The following IGSF21 variants were observed in gnomAD, a reference collection of about 807,000 sequenced individuals.
IGSF21 encodes immunoglobulin superfamily member 21.
Under a neutral mutation model 46.8 loss-of-function variants are expected in IGSF21, and 28 were observed. The observed-to-expected ratio is 0.60, with a 90% CI of 0.44 to 0.82. The LOEUF (loss-of-function observed/expected upper bound fraction) is 0.82. Among genes scored for constraint, IGSF21 ranks in the 40% least tolerant of loss-of-function variants. The pLI, the probability that IGSF21 is intolerant of heterozygous loss-of-function variation, is 0.00. For missense variants in IGSF21, 624 were observed against 665.5 expected, an observed-to-expected ratio of 0.94 and a Z score of 0.69; for synonymous variants, 284 against 273.6, an observed-to-expected ratio of 1.04 and a Z score of -0.38.
chr1:18,258,580 C>T (rs2084913279), intron 2 of IGSF21, among the ~76,000 whole-genome samples: 1 of 152,096 alleles, frequency 6.6e-6, no homozygotes, highest in Non-Finnish European at 1.5e-5. Context: ...AAATGAAGCC[C>T]CTGTGTAAGA....
At chr1:18,313,997 T>C (rs1476760863) in intron 3 of IGSF21, among the ~76,000 whole-genome samples, 1 of 152,178 alleles carries the variant, frequency 6.6e-6, no homozygotes, top group South Asian at 2.1e-4. Context: ...TGTTGTGATA[T>C]AACTTTCTAT....
At chr1:18,115,693 G>C (rs941757508) in intron 1 of IGSF21, 1 of 152,016 alleles carries the variant, frequency 6.6e-6, no homozygotes, top group East Asian at 1.9e-4. Flanking sequence ...AGGGGACTTC[G>C]TGTCCCCTCT....
intron 4 of IGSF21, among the ~76,000 whole-genome samples, chr1:18,352,494 G>T (rs188005494): frequency 4.3e-4 from 66 of 152,272 alleles, no homozygotes; most frequent in African/African-American, 1.4e-3. Flanking sequence ...GATGCTGGTG[G>T]TCCAGGGAAC....
chr1:18,227,803 C>G, intron 1 of IGSF21, 95 bp from the exon 2 acceptor site: 1 of 849,774 alleles, frequency 1.2e-6, no homozygotes, highest in Non-Finnish European at 2.0e-6. Flanking sequence ...CCAAACTTCC[C>G]TCCTCTGTCT....
At chr1:18,139,934 C>CT (rs139528919) in intron 1 of IGSF21, among the ~76,000 whole-genome samples, 5 of 151,622 alleles carry the variant, frequency 3.3e-5, no homozygotes, top group African/African-American at 7.3e-5. Flanking sequence ...TCCCAACTTC[C>CT]TTTTTTTTAA....
chr1:18,280,070 A>G (rs1289369433), intron 2 of IGSF21, among the ~76,000 whole-genome samples: 1 of 152,174 alleles, frequency 6.6e-6, no homozygotes, highest in Non-Finnish European at 1.5e-5. Context: ...ACCTGTCTAC[A>G]CAGGTGTGCC....
At chr1:18,245,035 A>C (rs2084771609) in intron 2 of IGSF21, among the ~76,000 whole-genome samples, 1 of 152,192 alleles carries the variant, frequency 6.6e-6, no homozygotes, top group Admixed American at 6.5e-5. Context: ...TGGTAGGGCT[A>C]TACTTATTGA....
intron 3 of IGSF21, among the ~76,000 whole-genome samples, chr1:18,303,569 G>C (rs1187620595): frequency 2.0e-5 from 3 of 152,192 alleles, no homozygotes; most frequent in Admixed American, 6.5e-5. Flanking sequence ...AAGCACCCTG[G>C]GGGGAGTAAT....
chr1:18,217,341 C>T (rs564230940), intron 1 of IGSF21, among the ~76,000 whole-genome samples: 156 of 152,318 alleles, frequency 1.0e-3, no homozygotes, highest in Middle Eastern at 3.4e-3. Context: ...TCAGTCTTCA[C>T]TAATTACTTG....
rs893859504 is a variant in IGSF21 at position 18,217,501 on chromosome 1, G to A, written c.71-10397G>A. Among the ~76,000 whole-genome samples the A allele has an allele frequency of 2.6e-5, 4 of 152,224 alleles. No homozygotes were observed. In the East Asian group the frequency reaches 5.8e-4, roughly 22 times the overall value. ...ACAAGTCTCTTACAGTTCCAGAGAC[G>A]TTCTCAGTCAAACACAACTTCCTGG... On this transcript the variant is annotated intron_variant, in intron 1 of 9. Coordinates refer to ENST00000251296, the MANE Select transcript of IGSF21 (RefSeq NM_032880.5).
chr1:18,160,530 C>A (rs966867912), intron 1 of IGSF21, among the ~76,000 whole-genome samples: 2 of 152,162 alleles, frequency 1.3e-5, no homozygotes, highest in Non-Finnish European at 2.9e-5. Context: ...CACTTTCTAG[C>A]TGGGCGAACT....
chr1:18,241,588 T>A (rs2084728648), intron 2 of IGSF21, among the ~76,000 whole-genome samples: 1 of 152,152 alleles, frequency 6.6e-6, no homozygotes, highest in Non-Finnish European at 1.5e-5. Context: ...TGGAGGGATT[T>A]CCCCCTGAGC....
intron 1 of IGSF21, among the ~76,000 whole-genome samples, chr1:18,210,719 C>G (rs1055488786): frequency 6.6e-6 from 1 of 152,090 alleles, no homozygotes; most frequent in South Asian, 2.1e-4. Flanking sequence ...GCAGCATCAC[C>G]GGTTCCTGCA....
intron 1 of IGSF21, among the ~76,000 whole-genome samples, chr1:18,207,220 CTT>C (rs747416917): frequency 1.6e-4 from 24 of 152,328 alleles, no homozygotes; most frequent in Non-Finnish European, 2.2e-4. Context: ...CTTTGAATCT[CTT>C]TGGCCTCCTC....
At chr1:18,141,117 A>T (rs186993150) in intron 1 of IGSF21, among the ~76,000 whole-genome samples, 1 of 152,284 alleles carries the variant, frequency 6.6e-6, no homozygotes, top group Admixed American at 6.5e-5. Flanking sequence ...GCAGGACAGG[A>T]TGCTGGGACA....
At chr1:18,183,952 A>T (rs1277322817) in intron 1 of IGSF21, among the ~76,000 whole-genome samples, 1 of 152,186 alleles carries the variant, frequency 6.6e-6, no homozygotes, top group Non-Finnish European at 1.5e-5. Context: ...GGGATGAAGA[A>T]GTAGGTTCTG....
chr1:18,340,995 TCCTC>T (rs2085829826), intron 4 of IGSF21, among the ~76,000 whole-genome samples: 3 of 133,682 alleles, frequency 2.2e-5, no homozygotes, highest in South Asian at 2.8e-4. Flanking sequence ...CTTCTTCTTC[TCCTC>T]CTCCTCCTTC....
At chr1:18,377,968 C>G (rs749880750) in intron 9 of IGSF21, among the ~76,000 whole-genome samples, 19 of 152,206 alleles carry the variant, frequency 1.2e-4, no homozygotes, top group Non-Finnish European at 2.4e-4. Flanking sequence ...GCCTGCCACA[C>G]CCCCTCCCTA....
At chr1:18,246,089 A>G (rs941807630) in intron 2 of IGSF21, among the ~76,000 whole-genome samples, 2 of 152,190 alleles carry the variant, frequency 1.3e-5, no homozygotes. Flanking sequence ...ACTTGCTGCT[A>G]TTAAACAGGA....
Sources: gnomAD v4.1 joint callset for allele counts (sites outside exome capture counted in the v4.1 genomes callset) on GRCh38, gnomAD v4.1.1 for gene constraint, MANE v1.5 for transcripts, NCBI Gene and HGNC (gene_info 2026-07-23, HGNC 2026-07-21) for gene names.